Variants in PLCL1 observed in about 807,000 individuals in gnomAD.
PLCL1 encodes the protein phospholipase C like 1 (inactive).
In PLCL1, 41 loss-of-function variants were observed where a neutral mutation model predicts 84.4. The ratio of observed to expected loss-of-function variants is 0.49; its 90% CI spans 0.38 to 0.63. PLCL1 has a LOEUF of 0.63. PLCL1 is among the 30% of genes least tolerant of loss of function. The pLI, the probability that PLCL1 is intolerant of heterozygous loss-of-function variation, is 0.00. For missense variants in PLCL1, 1,206 were observed against 1,367.8 expected, an observed-to-expected ratio of 0.88 and a Z score of 1.87; for synonymous variants, 490 against 488.3, an observed-to-expected ratio of 1.00 and a Z score of -0.05.
In PLCL1 at chr2:197,848,772, A is replaced by G. The variant is rs79025298; in HGVS notation, c.240+43433A>G. Among the ~76,000 whole-genome samples the G allele has an allele frequency of 9.1e-3, 1,392 of 152,282 alleles. 25 individuals carry two copies. Among genetic ancestry groups the G allele is most frequent in the African/African-American group, 0.032 (1,323 of 41,550 alleles). On this transcript the variant is annotated intron_variant, in intron 1 of 5. Coordinates refer to ENST00000428675, the MANE Select transcript of PLCL1 (RefSeq NM_006226.4). ...ACTTGCAGGTGTTGTGTTGCTGCCT[A>G]GAGACTGGTTTGGCCTGACCCAAGT...
At chr2:198,011,704 T>C (rs1419736198) in intron 1 of PLCL1, among the ~76,000 whole-genome samples, 1 of 152,148 alleles carries the variant, frequency 6.6e-6, no homozygotes, top group Non-Finnish European at 1.5e-5. Context: ...GAGTGGGGTA[T>C]TGAAGTCTTC....
chr2:198,041,039 T>A (rs189955535), intron 1 of PLCL1, among the ~76,000 whole-genome samples: 1 of 152,292 alleles, frequency 6.6e-6, no homozygotes, highest in East Asian at 1.9e-4. Flanking sequence ...TGAAATCTTC[T>A]TAGTACACTC....
chr2:198,119,781 A>G (rs1478607650), intron 5 of PLCL1, among the ~76,000 whole-genome samples: 1 of 151,978 alleles, frequency 6.6e-6, no homozygotes, highest in East Asian at 1.9e-4. Context: ...TTTTTCTCAT[A>G]CAAAATCCTG....
chr2:198,111,818 T>C (rs1693630509), intron 5 of PLCL1, among the ~76,000 whole-genome samples: 1 of 151,826 alleles, frequency 6.6e-6, no homozygotes, highest in African/African-American at 2.4e-5. Flanking sequence ...ACCATAATAG[T>C]AATGGTTTGT....
chr2:197,843,701 T>A (rs149796864), intron 1 of PLCL1, among the ~76,000 whole-genome samples: 341 of 152,300 alleles, frequency 2.2e-3, no homozygotes, highest in African/African-American at 7.8e-3. Flanking sequence ...CATTTGGTTG[T>A]CCTTCCCAAA....
chr2:197,909,241 C>G (rs966764459), intron 1 of PLCL1, among the ~76,000 whole-genome samples: 1 of 152,100 alleles, frequency 6.6e-6, no homozygotes, highest in Admixed American at 6.5e-5. Flanking sequence ...GGACATTTTT[C>G]CATATATAGC....
rs540128884 is a variant in PLCL1, at chr2:197,850,669, G to T, written c.240+45330G>T. ...TCCCTTCCAGTATTATAGAAGACAG[G>T]TTATATTGTCTGTACAACAACTACA... On this transcript the variant is annotated intron_variant, in intron 1 of 5. Coordinates refer to ENST00000428675, the MANE Select transcript of PLCL1 (RefSeq NM_006226.4). Among the ~76,000 whole-genome samples, 8 of 152,108 alleles carry T rather than the reference G, an allele frequency of 5.3e-5. No individual in the cohort carries two copies. The South Asian group carries it at 6.2e-4, about 12-fold the overall frequency.
chr2:198,123,683 A>T (rs541275693), intron 5 of PLCL1, among the ~76,000 whole-genome samples: 1 of 152,146 alleles, frequency 6.6e-6, no homozygotes, highest in East Asian at 1.9e-4. Context: ...TCGCTCCGTA[A>T]CCTGTTAGGA....
chr2:197,937,183 T>A (rs1689070347), intron 1 of PLCL1, among the ~76,000 whole-genome samples: 1 of 152,196 alleles, frequency 6.6e-6, no homozygotes, highest in South Asian at 2.1e-4. Flanking sequence ...CAACTACTGT[T>A]GCTTTTAGGA....
At chr2:198,117,502 C>G (rs1693772920) in intron 5 of PLCL1, among the ~76,000 whole-genome samples, 1 of 151,692 alleles carries the variant, frequency 6.6e-6, no homozygotes. Context: ...TGAACATATG[C>G]TGAAACAGTC....
In PLCL1 at chr2:197,866,122, A is replaced by ATAGTTAGTTTAAG. The variant is rs1559029493; in HGVS notation, c.240+60783_240+60784insTAGTTAGTTTAAG. Among the ~76,000 whole-genome samples the ATAGTTAGTTTAAG allele has an allele frequency of 3.8e-4, 16 of 41,576 alleles. 1 individual carries two copies. The highest frequency in any genetic ancestry group is 6.9e-4 in the African/African-American group (3 of 4,358). The allele number at this position is 41,576 out of a possible 152,430, so 27.3% of individuals were successfully genotyped here. A position where few individuals can be genotyped will look rare whatever the true frequency, so the allele number is the denominator to read the frequency against. On this transcript the variant is annotated intron_variant, in intron 1 of 5. Coordinates refer to ENST00000428675, the MANE Select transcript of PLCL1 (RefSeq NM_006226.4). ...ATATATATAAACTATATATATATAT[A>ATAGTTAGTTTAAG]AACTATATATATATATAAACTATAT... is the stretch of plus-strand genomic sequence containing the variant.
chr2:198,132,779 G>A (rs1339035680), intron 5 of PLCL1, among the ~76,000 whole-genome samples: 1 of 151,942 alleles, frequency 6.6e-6, no homozygotes, highest in African/African-American at 2.4e-5. Flanking sequence ...GTTGTAGGTT[G>A]CCTGTTCACT....
At chr2:197,862,066 AT>A (rs1687442904) in intron 1 of PLCL1, among the ~76,000 whole-genome samples, 1 of 152,188 alleles carries the variant, frequency 6.6e-6, no homozygotes, top group South Asian at 2.1e-4. Context: ...GTGATAATTA[AT>A]TGTCTCCTTA....
At chr2:198,018,395 C>G (rs946962173) in intron 1 of PLCL1, among the ~76,000 whole-genome samples, 1 of 152,148 alleles carries the variant, frequency 6.6e-6, no homozygotes, top group East Asian at 1.9e-4. Flanking sequence ...GTTCACTCCC[C>G]TGGAATAGGG....
chr2:197,989,234 A>G (rs2105811144), intron 1 of PLCL1, among the ~76,000 whole-genome samples: 1 of 152,266 alleles, frequency 6.6e-6, no homozygotes, highest in South Asian at 2.1e-4. Context: ...AGGGCACCAT[A>G]CTGAGCATTG....
rs756204637 is a variant in PLCL1, at chr2:198,146,997, C to T, written c.*35C>T. ...TTATCGACACGTTCACCCATCTTAT[C>T]AAGGACTCTGGTTTCTCATTCTTGT... On this transcript the variant is annotated 3_prime_UTR_variant, in exon 6 of 6. Transcript: ENST00000428675. The T allele has an allele frequency of 5.3e-6, 8 of 1,511,252 alleles. No homozygotes were observed. The South Asian group carries it at 7.8e-5, about 15-fold the overall frequency. 93.6% of individuals were successfully genotyped at this position (1,511,252 alleles called of 1,614,324 possible). A position where few individuals can be genotyped will look rare whatever the true frequency, so the allele number is the denominator to read the frequency against.
intron 1 of PLCL1, among the ~76,000 whole-genome samples, chr2:197,877,464 G>C (rs1038459049): frequency 2.0e-5 from 3 of 152,018 alleles, no homozygotes; most frequent in African/African-American, 7.2e-5. Context: ...AATATCTCCT[G>C]GAAGTGATAC....
chr2:198,024,762 C>CAAAAA (rs74507483), intron 1 of PLCL1, among the ~76,000 whole-genome samples: 158 of 139,264 alleles, frequency 1.1e-3, no homozygotes, highest in East Asian at 4.1e-3. Flanking sequence ...AAATCTATCT[C>CAAAAA]AAAAAAAAAA....
chr2:197,864,234 T>G (rs1191199956), intron 1 of PLCL1, among the ~76,000 whole-genome samples: 1 of 152,110 alleles, frequency 6.6e-6, no homozygotes, highest in African/African-American at 2.4e-5. Flanking sequence ...TTTCAGTATA[T>G]CACATGGAAG....
Sources: allele counts gnomAD v4.1 joint callset (sites outside exome capture counted in the v4.1 genomes callset), GRCh38; gene constraint gnomAD v4.1.1; transcripts MANE v1.5; gene names NCBI Gene and HGNC (gene_info 2026-07-23, HGNC 2026-07-21).